MGAT4D: variants seen among roughly 807,000 people sequenced by gnomAD.
The protein encoded by MGAT4D is alpha-1,3-mannosyl-glycoprotein 4-beta-N-acetylglucosaminyltransferase-like protein MGAT4D.
MGAT4D carries 34 observed loss-of-function variants against 15.9 expected under a neutral mutation model. The ratio of observed to expected loss-of-function variants is 2.14; its 90% confidence interval spans 1.62 to 2.84. The LOEUF is 2.84. Ranked by LOEUF, MGAT4D falls within the 30% of genes most tolerant of loss-of-function variation. MGAT4D has a pLI of 0.00. For synonymous variants in MGAT4D, 112 were observed against 48.2 expected (o/e 2.33, Z -5.49); for missense variants, 327 against 140.2 (o/e 2.33, Z -6.73).
Position 140,482,348 on chromosome 4 carries a change from C to T in MGAT4D, c.232G>A (p.Glu78Lys), listed in dbSNP as rs766370054. 2 of 627,866 alleles carry T rather than the reference C, an allele frequency of 3.2e-6. No homozygotes were observed. The highest frequency in any genetic ancestry group is 5.6e-6 in the Non-Finnish European group (2 of 357,426). The allele number at this position is 627,866 out of a possible 1,614,324, so 38.9% of individuals were successfully genotyped here. A position where few individuals can be genotyped will look rare whatever the true frequency, so the allele number is the denominator to read the frequency against. The change falls in exon 2 of 11, where the codon GAA (glutamate) becomes AAA (lysine). Residue 78 changes from glutamate to lysine, a missense_variant. Transcript: ENST00000511113. ...AAACCTAAGTTTCCTGACAAAATTT[C>T]TCTCTTTGTAATTTCATACTTCATT... ...NRMKYEITKR[E>K]ILSGNLVAQK...
chr4:140,484,560 T>A (rs1340097112), intron 1 of MGAT4D, among the ~76,000 whole-genome samples: 3 of 152,092 alleles, frequency 2.0e-5, no homozygotes, highest in Non-Finnish European at 4.4e-5. Context: ...TGGGATCTAA[T>A]TAAACTAAAG....
At chr4:140,466,707 ATTGT>A (rs763741180) in intron 5 of MGAT4D, among the ~76,000 whole-genome samples, 26 of 152,160 alleles carry the variant, frequency 1.7e-4, no homozygotes, top group South Asian at 6.2e-4. Flanking sequence ...TTTTTTTCCC[ATTGT>A]TTGTTAATAT....
At chr4:140,457,276 C>A (rs984425749) in intron 8 of MGAT4D, 2 of 151,630 alleles carry the variant, frequency 1.3e-5, no homozygotes, top group African/African-American at 2.4e-5. Flanking sequence ...TATACTGCAT[C>A]TTTAATTTTA....
At chr4:140,445,203 A>G (rs1443983232) in intron 10 of MGAT4D, among the ~76,000 whole-genome samples, 1 of 152,012 alleles carries the variant, frequency 6.6e-6, no homozygotes, top group African/African-American at 2.4e-5. Context: ...TGACTTTTTA[A>G]TGATAGCCAT....
rs1730527500 is a variant in MGAT4D at position 140,452,347 on chromosome 4, A to G, written c.1009-830T>C. The stretch of plus-strand genomic sequence containing the variant: ...CATTTATTTAGATGCATTTCTACCC[A>G]GTACTAATACATAGGAAATATTAAC... On this transcript the variant is annotated intron_variant, in intron 9 of 10. Coordinates refer to ENST00000511113, the MANE Select transcript of MGAT4D (RefSeq NM_001277353.2). 2.0e-5 allele frequency among the ~76,000 whole-genome samples: 3 copies of G among 152,138 alleles called. No individual in the cohort carries two copies. The South Asian group carries it at 6.2e-4, about 31-fold the overall frequency.
intron 1 of MGAT4D, among the ~76,000 whole-genome samples, chr4:140,493,001 A>C (rs965135394): frequency 6.6e-6 from 1 of 152,232 alleles, no homozygotes; most frequent in Non-Finnish European, 1.5e-5. Flanking sequence ...TATTGTTTTT[A>C]CATCTTTAAG....
intron 4 of MGAT4D, among the ~76,000 whole-genome samples, chr4:140,474,596 T>C (rs1732189836): frequency 6.6e-6 from 1 of 152,230 alleles, no homozygotes; most frequent in South Asian, 2.1e-4. Flanking sequence ...CATGAAGCCA[T>C]TATGTTGTCC....
At chr4:140,495,342 C>G (rs1048829595) in intron 1 of MGAT4D, among the ~76,000 whole-genome samples, 6 of 152,176 alleles carry the variant, frequency 3.9e-5, no homozygotes, top group African/African-American at 1.4e-4. Flanking sequence ...CTGCCAACAC[C>G]TGATATCATA....
At chr4:140,443,551 C>A (rs1332429408) in intron 10 of MGAT4D, 107 bp from the exon 11 acceptor site, 10 of 365,878 alleles carry the variant, frequency 2.7e-5, no homozygotes, top group South Asian at 4.5e-5. Context: ...TTATTGTATC[C>A]TCTTTGATAC....
At chr4:140,456,319 A>G (rs895475362) in intron 9 of MGAT4D, among the ~76,000 whole-genome samples, 3 of 152,082 alleles carry the variant, frequency 2.0e-5, no homozygotes, top group African/African-American at 7.2e-5. Context: ...TTTATATTTA[A>G]TGTAAGTATT....
intron 1 of MGAT4D, among the ~76,000 whole-genome samples, chr4:140,489,780 A>G (rs1321877063): frequency 2.0e-5 from 3 of 152,240 alleles, no homozygotes; most frequent in Non-Finnish European, 4.4e-5. Context: ...CAATTATAAG[A>G]AATGCTACCA....
At chr4:140,476,828 C>T (rs1269899130) in intron 3 of MGAT4D, among the ~76,000 whole-genome samples, 1 of 152,046 alleles carries the variant, frequency 6.6e-6, no homozygotes, top group African/African-American at 2.4e-5. Context: ...ATCCTTTCAC[C>T]AGCTATGAAT....
intron 1 of MGAT4D, among the ~76,000 whole-genome samples, chr4:140,488,125 C>G (rs1247065337): frequency 6.6e-6 from 1 of 152,164 alleles, no homozygotes; most frequent in African/African-American, 2.4e-5. Context: ...TCTCTCATCT[C>G]CAATCAATGA....
At chr4:140,489,934 A>G (rs1280162323) in intron 1 of MGAT4D, among the ~76,000 whole-genome samples, 2 of 152,186 alleles carry the variant, frequency 1.3e-5, no homozygotes, top group African/African-American at 2.4e-5. Flanking sequence ...GCCATAAACC[A>G]TTGATAAGGC....
intron 1 of MGAT4D, among the ~76,000 whole-genome samples, chr4:140,491,253 C>A (rs1733482256): frequency 6.6e-6 from 1 of 152,140 alleles, no homozygotes; most frequent in South Asian, 2.1e-4. Context: ...TCTATTTTGT[C>A]GGCATATTCC....
At chr4:140,473,987 C>T (rs1732151577) in intron 4 of MGAT4D, among the ~76,000 whole-genome samples, 1 of 152,088 alleles carries the variant, frequency 6.6e-6, no homozygotes, top group Non-Finnish European at 1.5e-5. Context: ...CAGGCATGAA[C>T]CACCATGCCC....
chr4:140,482,464 C>G lies in MGAT4D; in HGVS notation c.116G>C (p.Arg39Thr). 1.6e-6 allele frequency: 1 copy of G among 634,504 alleles called. No homozygotes were observed. The highest frequency in any genetic ancestry group is 2.8e-6 in the Non-Finnish European group (1 of 361,540). The allele number at this position is 634,504 out of a possible 1,614,324, so 39.3% of individuals were successfully genotyped here. The change falls in exon 2 of 11, where the codon AGA (arginine) becomes ACA (threonine). Residue 39 changes from arginine (R) to threonine (T), a missense_variant. By Grantham distance (71) the Arg-to-Thr change is moderately conservative. Coordinates refer to ENST00000511113, the MANE Select transcript of MGAT4D (RefSeq NM_001277353.2). Reference protein sequence around the residue: ...TQTNNQLINCRNHILEFKENM... With the variant: ...TQTNNQLINCTNHILEFKENM... ...TTCTTTAAACTCCAAAATATGGTTT[C>G]TACAGTTAATTAATTGATTATCTGC...
At position 140,451,501 on chromosome 4, in the gene MGAT4D, C is replaced by T. The variant is rs549166598; in HGVS notation, c.1025G>A (p.Arg342Gln). 1.0e-5 allele frequency: 6 copies of T among 572,524 alleles called. No homozygotes were observed. Among genetic ancestry groups the T allele is most frequent in the African/African-American group, 5.6e-5 (3 of 53,792 alleles). The allele number at this position is 572,524 out of a possible 1,614,324, so 35.5% of individuals were successfully genotyped here. A position where few individuals can be genotyped will look rare whatever the true frequency, so the allele number is the denominator to read the frequency against. ...AGEDLRNCMK[R>Q]KKQIRIQYKP... Reference sequence around the variant, plus strand: ...ATACTGAATACGTATTTGCTTCTTTCGTTTCATACAGTTTCTCTGGGGAAA... The same window carrying T: ...ATACTGAATACGTATTTGCTTCTTTTGTTTCATACAGTTTCTCTGGGGAAA... The change falls in exon 10 of 11, where the codon CGA (arginine) becomes CAA (glutamine). Residue 342 changes from arginine to glutamine, a missense_variant. Coordinates refer to ENST00000511113, the MANE Select transcript of MGAT4D (RefSeq NM_001277353.2).
intron 10 of MGAT4D, among the ~76,000 whole-genome samples, chr4:140,444,860 A>T (rs1474537040): frequency 2.0e-5 from 3 of 147,248 alleles, no homozygotes; most frequent in Admixed American, 1.4e-4. Flanking sequence ...TTTCTCTGCA[A>T]CCTCACCAGC....
Sources: gnomAD v4.1 joint callset for allele counts (sites outside exome capture counted in the v4.1 genomes callset) on GRCh38, gnomAD v4.1.1 for gene constraint, MANE v1.5 for transcripts, NCBI Gene and HGNC (gene_info 2026-07-23, HGNC 2026-07-21) for gene names.